Variants in IBTK observed in about 807,000 individuals in gnomAD.
The protein encoded by IBTK is BTK-binding protein.
Under a neutral mutation model 154.9 loss-of-function variants are expected in IBTK, and 83 were observed. The observed-to-expected ratio is 0.54, with a 90% confidence interval of 0.45 to 0.64. The LOEUF (loss-of-function observed/expected upper bound fraction) is 0.64. Ranked by LOEUF, IBTK falls within the 30% of genes least tolerant of loss-of-function variation. The probability of loss-of-function intolerance (pLI) is 0.00; values close to 1 mark genes in which losing one functional copy is unlikely to be tolerated. For missense variants in IBTK, 1,332 were observed against 1,584.6 expected, an observed-to-expected ratio of 0.84 and a Z score of 2.71; for synonymous variants, 515 against 536.1, an observed-to-expected ratio of 0.96 and a Z score of 0.54.
chr6:82,171,877 G>T (rs1220819692), intron 28 of IBTK, among the ~76,000 whole-genome samples: 3 of 152,164 alleles, frequency 2.0e-5, no homozygotes, highest in Non-Finnish European at 4.4e-5. Flanking sequence ...TTCTGTTGTT[G>T]TACAAGTCTT....
At chr6:82,228,156 A>G in intron 4 of IBTK, among the ~76,000 whole-genome samples, 1 of 152,148 alleles carries the variant, frequency 6.6e-6, no homozygotes, top group East Asian at 1.9e-4. Context: ...TCTCATTTTT[A>G]AAGATTGTTT....
chr6:82,173,532 T>C (rs2127795728), intron 26 of IBTK, 94 bp from the exon 27 acceptor site: 2 of 973,098 alleles, frequency 2.1e-6, no homozygotes, highest in Middle Eastern at 4.6e-4. Context: ...TGTAAACTCC[T>C]GACTCCAGAG....
chr6:82,234,288 T>C, intron 2 of IBTK, 33 bp from the exon 3 acceptor site: 1 of 781,384 alleles, frequency 1.3e-6, no homozygotes, highest in South Asian at 3.1e-5. Flanking sequence ...TACATAAATA[T>C]ATATATATTA....
intron 16 of IBTK, chr6:82,206,030 T>C (rs1308679734): frequency 6.6e-6 from 1 of 152,192 alleles, no homozygotes; most frequent in African/African-American, 2.4e-5. Flanking sequence ...TGGAAAATTG[T>C]CATAATCAAC....
At chr6:82,199,170 T>A (rs561156010) in intron 21 of IBTK, among the ~76,000 whole-genome samples, 65 of 152,230 alleles carry the variant, frequency 4.3e-4, no homozygotes, top group Admixed American at 2.1e-3. Context: ...ATTCAAGTAT[T>A]CGGGGGAAAA....
At chr6:82,244,799 C>G (rs961929952) in intron 1 of IBTK, among the ~76,000 whole-genome samples, 12 of 151,776 alleles carry the variant, frequency 7.9e-5, no homozygotes, top group Non-Finnish European at 1.5e-4. Context: ...TACATCAGAC[C>G]AGTCAAGTAA....
chr6:82,228,515 A>C (rs183091408), intron 4 of IBTK, among the ~76,000 whole-genome samples: 1 of 152,350 alleles, frequency 6.6e-6, no homozygotes, highest in African/African-American at 2.4e-5. Flanking sequence ...CATTTCATTC[A>C]ATTTTATATT....
intron 25 of IBTK, among the ~76,000 whole-genome samples, chr6:82,184,740 T>C (rs1275065778): frequency 2.6e-5 from 4 of 152,202 alleles, no homozygotes; most frequent in Non-Finnish European, 2.9e-5. Context: ...ACCTCAAGTA[T>C]ATTTAGAGTG....
At chr6:82,233,123 C>A (rs1407134944) in intron 3 of IBTK, among the ~76,000 whole-genome samples, 1 of 147,304 alleles carries the variant, frequency 6.8e-6, no homozygotes, top group Non-Finnish European at 1.5e-5. Context: ...CGCCATTGCA[C>A]GCCAGCCTGG....
chr6:82,205,643 G>C (rs1199448094), intron 16 of IBTK: 1 of 152,362 alleles, frequency 6.6e-6, no homozygotes, highest in African/African-American at 2.4e-5. Flanking sequence ...GCACATGCCT[G>C]TAGTCCCAGT....
chr6:82,222,702 G>A (rs1770141657), intron 8 of IBTK, among the ~76,000 whole-genome samples: 1 of 151,976 alleles, frequency 6.6e-6, no homozygotes, highest in African/African-American at 2.4e-5. Context: ...GAAATGACAG[G>A]TGACACATTA....
At chr6:82,211,161 G>A (rs541406140) in intron 15 of IBTK, among the ~76,000 whole-genome samples, 111 of 152,080 alleles carry the variant, frequency 7.3e-4, no homozygotes, top group Non-Finnish European at 1.2e-3. Context: ...ATAATAACGG[G>A]GAAATTTTTA....
chr6:82,213,109 C>A (rs1480616852), intron 12 of IBTK, among the ~76,000 whole-genome samples: 1 of 151,984 alleles, frequency 6.6e-6, no homozygotes, highest in South Asian at 2.1e-4. Context: ...TTCACTGCAA[C>A]CTCCACCTCC....
chr6:82,196,503 C>T, intron 21 of IBTK, 57 bp from the exon 22 acceptor site: 3 of 1,017,526 alleles, frequency 2.9e-6, no homozygotes, highest in Non-Finnish European at 4.1e-6. Flanking sequence ...ATATGCATTA[C>T]ATTCCATGAA....
chr6:82,213,833 A>G (rs906472768), intron 12 of IBTK, among the ~76,000 whole-genome samples: 1 of 152,154 alleles, frequency 6.6e-6, no homozygotes, highest in Non-Finnish European at 1.5e-5. Flanking sequence ...CCCCAAAAAA[A>G]GGATGGGTAG....
At chr6:82,213,319 G>A (rs970526064) in intron 12 of IBTK, among the ~76,000 whole-genome samples, 1 of 151,990 alleles carries the variant, frequency 6.6e-6, no homozygotes, top group African/African-American at 2.4e-5. Flanking sequence ...GTGAGCCACC[G>A]CGCCCGGCCC....
At chr6:82,194,304 T>C (rs922697460) in intron 23 of IBTK, among the ~76,000 whole-genome samples, 175 bp downstream of exon 23, 2 of 152,086 alleles carry the variant, frequency 1.3e-5, no homozygotes, top group African/African-American at 2.4e-5. Flanking sequence ...CTGGGGTTGG[T>C]TGGGGGGGAA....
chr6:82,198,220 T>A (rs1769071900), intron 21 of IBTK, among the ~76,000 whole-genome samples: 1 of 152,160 alleles, frequency 6.6e-6, no homozygotes, highest in Non-Finnish European at 1.5e-5. Flanking sequence ...TGCTTTTCCA[T>A]AAGTCATTTA....
At chr6:82,195,836 C>G (rs929478496) in intron 22 of IBTK, among the ~76,000 whole-genome samples, 1 of 152,142 alleles carries the variant, frequency 6.6e-6, no homozygotes, top group African/African-American at 2.4e-5. Context: ...GCTTAATGTG[C>G]TAGATTAGGA....
Sources: allele counts gnomAD v4.1 joint callset (sites outside exome capture counted in the v4.1 genomes callset), GRCh38; gene constraint gnomAD v4.1.1; transcripts MANE v1.5; gene names NCBI Gene and HGNC (gene_info 2026-07-23, HGNC 2026-07-21).